Variants in CENPI observed in about 807,000 individuals in gnomAD.
CENPI encodes centromere protein I.
Under a neutral mutation model 60.4 loss-of-function variants are expected in CENPI, and 4 were observed. The observed-to-expected ratio is 0.07, with a 90% CI of 0.03 to 0.15. The LOEUF (loss-of-function observed/expected upper bound fraction) is 0.15, where lower values mean the gene tolerates loss of function less well. Ranked by LOEUF, CENPI falls within the 10% of genes least tolerant of loss-of-function variation. The pLI is 1.00. For missense variants in CENPI, 444 were observed against 534.5 expected (o/e 0.83, Z 1.67); for synonymous variants, 157 against 189.4 (o/e 0.83, Z 1.40).
In CENPI at chrX:101,146,276, A is replaced by G; in HGVS notation, c.1825A>G (p.Arg609Gly). 8.3e-7 allele frequency: 1 copy of G among 1,203,024 alleles called. No individual in the cohort carries two copies. The highest frequency in any genetic ancestry group is 1.1e-6 in the Non-Finnish European group (1 of 890,872). ...ILNQLCFIMHRYRKNLTAAKK... is the reference protein window; with the variant it reads ...ILNQLCFIMHGYRKNLTAAKK... Reference sequence around the variant, plus strand: ...GAACCAGCTGTGTTTTATTATGCACAGGTACAAAGCCTTTTTACCATTTTA... The same window carrying G: ...GAACCAGCTGTGTTTTATTATGCACGGGTACAAAGCCTTTTTACCATTTTA... The change falls in exon 18 of 22, where the codon AGA (arginine) becomes GGA (glycine). Residue 609 changes from arginine (R) to glycine (G), a missense_variant and splice_region_variant. Arg to Gly is a moderately radical substitution (Grantham distance 125). Transcript: ENST00000682095.
chrX:101,142,572 G>A (rs1229907087), intron 16 of CENPI, among the ~76,000 whole-genome samples: 2 of 110,846 alleles, frequency 1.8e-5, no homozygotes, highest in Non-Finnish European at 3.8e-5. Flanking sequence ...GGTTGTCACA[G>A]CGACTGGGAA....
At chrX:101,157,278 C>T (rs2090061823) in intron 20 of CENPI, among the ~76,000 whole-genome samples, 1 of 111,450 alleles carries the variant, frequency 9.0e-6, no homozygotes, top group African/African-American at 3.3e-5. Context: ...CTAGTTATCA[C>T]TATCCCTGTT....
chrX:101,129,487 T>C (rs903434975), intron 12 of CENPI, among the ~76,000 whole-genome samples: 1 of 110,200 alleles, frequency 9.1e-6, no homozygotes, highest in African/African-American at 3.3e-5. Flanking sequence ...AAGCAACTCC[T>C]GATTCTTCTG....
At chrX:101,145,585 T>A (rs1471324253) in intron 17 of CENPI, among the ~76,000 whole-genome samples, 1 of 109,395 alleles carries the variant, frequency 9.1e-6, no homozygotes, top group East Asian at 2.9e-4. Context: ...TGCTACCTAG[T>A]ACGCTTTTAT....
chrX:101,128,629 C>A, intron 11 of CENPI, 87 bp from the exon 12 acceptor site: 2 of 1,008,165 alleles, frequency 2.0e-6, no homozygotes, highest in Non-Finnish European at 2.7e-6. Context: ...CATGCCCAGC[C>A]TATTTTTGTT....
At chrX:101,099,123 CTTCTTTCTTTT>C (rs2089380968) in intron 2 of CENPI, among the ~76,000 whole-genome samples, 1 of 108,759 alleles carries the variant, frequency 9.2e-6, no homozygotes, top group Admixed American at 1.0e-4. Flanking sequence ...TCCTTTCTTT[CTTCTTTCTTTT>C]GACAGAGTTG....
intron 8 of CENPI, among the ~76,000 whole-genome samples, chrX:101,122,536 T>C (rs2089689891): frequency 1.8e-5 from 2 of 111,950 alleles, no homozygotes; most frequent in African/African-American, 3.2e-5. Flanking sequence ...CCTTTTCCCA[T>C]GTTACAGCAA....
At chrX:101,132,907 T>G (rs2089809425) in intron 15 of CENPI, among the ~76,000 whole-genome samples, 1 of 111,101 alleles carries the variant, frequency 9.0e-6, no homozygotes, top group Non-Finnish European at 1.9e-5. Context: ...TAATAGTCGT[T>G]TTCTGCTAGT....
At chrX:101,120,706 T>C (rs200092824) in intron 7 of CENPI, 32 bp from the exon 8 acceptor site, 303 of 1,173,108 alleles carry the variant, frequency 2.6e-4, no homozygotes, top group Non-Finnish European at 3.1e-4. Context: ...TGAATCCAAA[T>C]GCATAGTACG....
At chrX:101,120,876 C>CTT (rs368295326) in intron 8 of CENPI, 92 bp downstream of exon 8, 492 of 494,662 alleles carry the variant, frequency 9.9e-4, no homozygotes, top group Middle Eastern at 1.7e-3. Flanking sequence ...AACTCTTGAT[C>CTT]TTTTTTTTTT....
At chrX:101,099,769 A>G (rs1288509419) in intron 2 of CENPI, 1 of 79,476 alleles carries the variant, frequency 1.3e-5, no homozygotes, top group Non-Finnish European at 2.5e-5. Context: ...TATATTCATT[A>G]TTGTTTACTT....
In CENPI at chrX:101,152,228, A is replaced by C. The variant is rs901042921; in HGVS notation, c.2094+4067A>C. Among the ~76,000 whole-genome samples the C allele has an allele frequency of 5.6e-5, 6 of 107,079 alleles. No homozygotes were observed. In the East Asian group the frequency reaches 1.8e-3, roughly 33 times the overall value. The allele number at this position is 107,079 out of a possible 115,157, so 93.0% of individuals were successfully genotyped here. A position where few individuals can be genotyped will look rare whatever the true frequency, so the allele number is the denominator to read the frequency against. ...CAGGCACGTGCCACCATGCCTGGCT[A>C]ATTTTTTTGTATTTTTAGTAGAGAC... On this transcript the variant is annotated intron_variant, in intron 20 of 21. Transcript: ENST00000682095.
intron 20 of CENPI, among the ~76,000 whole-genome samples, chrX:101,153,761 T>C (rs1290363921): frequency 8.9e-6 from 1 of 112,387 alleles, no homozygotes; most frequent in Non-Finnish European, 1.9e-5. Flanking sequence ...AGGTTTTTAA[T>C]TTTGATGAAA....
rs186442540 is a variant in CENPI, at chrX:101,140,087, C to T, written c.1471-579C>T. 1.6e-3 allele frequency among the ~76,000 whole-genome samples: 180 copies of T among 111,966 alleles called. 1 individual carries two copies. Among genetic ancestry groups the T allele is most frequent in the Non-Finnish European group, 2.6e-3 (139 of 53,169 alleles). ...TGCTGACCTTCTGATCCGCCCGCCT[C>T]GGCCTCCCAAAGTGCTGGGATTACA... is the stretch of plus-strand genomic sequence containing the variant. On this transcript the variant is annotated intron_variant, in intron 15 of 21. Transcript: ENST00000682095.
chrX:101,114,078 G>A (rs1033576476), intron 6 of CENPI, among the ~76,000 whole-genome samples: 1 of 111,798 alleles, frequency 8.9e-6, no homozygotes, highest in African/African-American at 3.3e-5. Flanking sequence ...CCAACATGGC[G>A]AAACCCCATC....
At chrX:101,111,442 G>A (rs2089552354) in intron 6 of CENPI, among the ~76,000 whole-genome samples, 1 of 110,425 alleles carries the variant, frequency 9.1e-6, no homozygotes, top group Non-Finnish European at 1.9e-5. Context: ...AAGCAATGGT[G>A]GGTAAAACTG....
At chrX:101,107,776 C>T (rs1333920114) in intron 4 of CENPI, among the ~76,000 whole-genome samples, 2 of 109,916 alleles carry the variant, frequency 1.8e-5, no homozygotes, top group Non-Finnish European at 3.8e-5. Flanking sequence ...TCCAGTGATT[C>T]TCCTGCCTCA....
chrX:101,137,278 T>TA (rs1430524797), intron 15 of CENPI, among the ~76,000 whole-genome samples: 1 of 112,233 alleles, frequency 8.9e-6, no homozygotes, highest in Non-Finnish European at 1.9e-5. Context: ...ATCTTCATGA[T>TA]ATAGATTTTT....
chrX:101,139,088 CTT>C (rs1281553958), intron 15 of CENPI, among the ~76,000 whole-genome samples: 1 of 66,949 alleles, frequency 1.5e-5, no homozygotes. Flanking sequence ...CGCGCCCGAC[CTT>C]TTTTTTTTTT....
Sources: allele counts gnomAD v4.1 joint callset (sites outside exome capture counted in the v4.1 genomes callset), GRCh38; gene constraint gnomAD v4.1.1; transcripts MANE v1.5; gene names NCBI Gene and HGNC (gene_info 2026-07-23, HGNC 2026-07-21).